ARFGEF2: variants seen among roughly 807,000 people sequenced by gnomAD.
ARFGEF2 encodes brefeldin A-inhibited guanine nucleotide-exchange protein 2.
In ARFGEF2, 74 loss-of-function variants were observed where a neutral mutation model predicts 219.9. The observed-to-expected ratio is 0.34, with a 90% CI of 0.28 to 0.41. The LOEUF is 0.41. Ranked by LOEUF, ARFGEF2 falls within the 10% of genes least tolerant of loss-of-function variation. The pLI is 1.00. For missense variants in ARFGEF2, 1,743 were observed against 2,218.3 expected, an observed-to-expected ratio of 0.79 and a Z score of 4.30; for synonymous variants, 733 against 799.2, an observed-to-expected ratio of 0.92 and a Z score of 1.40.
chr20:48,962,503 T>C (rs2091159905), intron 6 of ARFGEF2, among the ~76,000 whole-genome samples: 1 of 152,152 alleles, frequency 6.6e-6, no homozygotes, highest in African/African-American at 2.4e-5. Flanking sequence ...ATATATAATA[T>C]TATAGTGGTG....
chr20:49,003,894 TTGA>T (rs2091439647), intron 25 of ARFGEF2, among the ~76,000 whole-genome samples: 1 of 152,192 alleles, frequency 6.6e-6, no homozygotes, highest in Non-Finnish European at 1.5e-5. Context: ...GTTTTGGAGA[TTGA>T]TGATATTTAT....
At chr20:49,022,935 T>G in intron 34 of ARFGEF2, 116 bp from the exon 35 acceptor site, 3 of 1,392,358 alleles carry the variant, frequency 2.2e-6, no homozygotes, top group South Asian at 1.2e-5. Flanking sequence ...GAGAACGTAG[T>G]GAGACCCCAT....
intron 20 of ARFGEF2, 73 bp from the exon 21 acceptor site, chr20:48,990,967 C>A: frequency 6.5e-7 from 1 of 1,527,726 alleles, no homozygotes; most frequent in Non-Finnish European, 8.9e-7. Flanking sequence ...GCCCAGTGTG[C>A]CAGCCCTGCA....
intron 1 of ARFGEF2, among the ~76,000 whole-genome samples, chr20:48,931,627 G>T (rs4809735): frequency 0.21 from 31,320 of 151,230 alleles, 3,854 homozygotes; most frequent in East Asian, 0.36. Context: ...GGACATCAGA[G>T]CAGAGATCTG....
In ARFGEF2 at chr20:48,921,950, G is replaced by A; in HGVS notation, c.61G>A (p.Asp21Asn). ...CCGGGCCCTGGAGAAGATCCTAGCC[G>A]ACAAGGAGGTGAAGCGGCCCCAGCA... ...VSRALEKILA[D>N]KEVKRPQHSQ... is the part of the protein sequence containing the mutation. Residue 21 changes from aspartate (D) to asparagine (N), a missense_variant, in exon 1 of 39, where the codon GAC becomes AAC. By Grantham distance (23) the Asp-to-Asn change is conservative. Coordinates refer to ENST00000371917, the MANE Select transcript of ARFGEF2 (RefSeq NM_006420.3). 6.4e-7 allele frequency: 1 copy of A among 1,571,326 alleles called. No homozygotes were observed. Among genetic ancestry groups the A allele is most frequent in the Non-Finnish European group, 8.6e-7 (1 of 1,158,446 alleles).
Position 48,953,772 on chromosome 20 carries a change from A to G in ARFGEF2, c.820A>G (p.Arg274Gly). The G allele has an allele frequency of 1.2e-6, 2 of 1,614,036 alleles. No homozygotes were observed. The highest frequency in any genetic ancestry group is 8.5e-7 in the Non-Finnish European group (1 of 1,179,934). ...AGAAAATGGAGACGCACCCAGAGAA[A>G]GAGGCTCATCACTGTCAGGTACGGG... is the stretch of plus-strand genomic sequence containing the variant. ...STENGDAPRE[R>G]GSSLSGTDDG... The change falls in exon 6 of 39, where the codon AGA (arginine) becomes GGA (glycine). Residue 274 changes from arginine to glycine, a missense_variant. Arg to Gly is a moderately radical substitution (Grantham distance 125). Coordinates refer to ENST00000371917, the MANE Select transcript of ARFGEF2 (RefSeq NM_006420.3).
chr20:48,994,989 T>C (rs1016439456), intron 22 of ARFGEF2, among the ~76,000 whole-genome samples: 6 of 152,214 alleles, frequency 3.9e-5, no homozygotes, highest in Admixed American at 6.5e-5. Flanking sequence ...AGTATTCTTA[T>C]GCAAGTAGAA....
At chr20:49,003,681 G>A (rs962227973) in intron 25 of ARFGEF2, among the ~76,000 whole-genome samples, 1 of 152,154 alleles carries the variant, frequency 6.6e-6, no homozygotes, top group Non-Finnish European at 1.5e-5. Context: ...CTTGGAGCAG[G>A]CCTCTGCAAG....
At chr20:48,995,992 TA>T in intron 23 of ARFGEF2, 110 bp downstream of exon 23, 2 of 994,398 alleles carry the variant, frequency 2.0e-6, no homozygotes, top group Non-Finnish European at 3.2e-6. Flanking sequence ...CAAGTGTTGT[TA>T]GCTACAAATT....
intron 15 of ARFGEF2, 105 bp from the exon 16 acceptor site, chr20:48,985,303 G>A (rs2091320681): frequency 8.3e-7 from 1 of 1,202,692 alleles, no homozygotes; most frequent in Non-Finnish European, 1.2e-6. Context: ...AGCCTATTCT[G>A]GGCAGTTAGG....
At chr20:48,941,256 G>T in intron 2 of ARFGEF2, 27 bp downstream of exon 2, 2 of 1,611,126 alleles carry the variant, frequency 1.2e-6, no homozygotes, top group Middle Eastern at 3.3e-4. Flanking sequence ...CCTCCTTGCT[G>T]AGATACGGCA....
At chr20:48,948,705 T>C (rs1459338350) in intron 3 of ARFGEF2, among the ~76,000 whole-genome samples, 1 of 152,190 alleles carries the variant, frequency 6.6e-6, no homozygotes, top group African/African-American at 2.4e-5. Context: ...TATAAAGGCC[T>C]GTTATAGTGT....
At position 48,952,733 on chromosome 20, in the gene ARFGEF2, A is replaced by T. The variant is rs754607709; in HGVS notation, c.452A>T (p.His151Leu). ...CTTCTGACTGCAGTGACTTCCCCAC[A>T]CATTGAAATTCATGAGGGTACTATC... ...KALLTAVTSP[H>L]IEIHEGTILQ... Residue 151 changes from histidine (H) to leucine (L), a missense_variant, in exon 5 of 39, where the codon CAC becomes CTC. Physicochemically the swap from His to Leu is moderately conservative, Grantham distance 99 (BLOSUM62 -3). This residue lies in a region of ARFGEF2 where 394 missense variants were observed against 426.6 expected (regional missense o/e 0.92). Transcript: ENST00000371917. 5.6e-6 allele frequency: 9 copies of T among 1,614,238 alleles called. No homozygotes were observed.
rs535473262 is a variant in ARFGEF2, at chr20:48,994,668, T to G, written c.3121+70T>G. The G allele has an allele frequency of 1.0e-5, 16 of 1,591,448 alleles. No individual in the cohort carries two copies. The East Asian group carries it at 3.6e-4, about 36-fold the overall frequency. ...TAACGGGGATGAAACCCTTCTTGTC[T>G]CATCAGGACTGTCCTGTAAACCGTC... On this transcript the variant is annotated intron_variant, in intron 22 of 38. Coordinates refer to ENST00000371917, the MANE Select transcript of ARFGEF2 (RefSeq NM_006420.3).
Position 48,989,571 on chromosome 20 carries a change from C to A in ARFGEF2, c.2701C>A (p.Leu901Ile). 1 of 1,614,214 alleles carries A rather than the reference C, an allele frequency of 6.2e-7. No homozygotes were observed. The highest frequency in any genetic ancestry group is 1.1e-5 in the South Asian group (1 of 91,084). ...RPMFKLVWTPLLAAYSIGLQN... is the reference protein window; with the variant it reads ...RPMFKLVWTPILAAYSIGLQN... The stretch of plus-strand genomic sequence containing the variant: ...TCCATGATAGCTGGTGTGGACGCCA[C>A]TATTGGCAGCCTACAGCATCGGACT... The change falls in exon 20 of 39, where the codon CTA becomes ATA. Residue 901 changes from leucine to isoleucine, a missense_variant. By Grantham distance (5) the Leu-to-Ile change is conservative (BLOSUM62 2). Around this residue, in one of 5 missense-constraint regions of ARFGEF2, gnomAD observed 666 missense variants for 955.4 expected, o/e 0.70. Transcript: ENST00000371917.
chr20:48,949,069 G>A (rs1046850452), intron 3 of ARFGEF2, among the ~76,000 whole-genome samples: 2 of 152,230 alleles, frequency 1.3e-5, no homozygotes, highest in Non-Finnish European at 2.9e-5. Flanking sequence ...GAACCAGAAA[G>A]ATCCACAGGA....
chr20:49,004,414 A>G (rs1199411711), intron 25 of ARFGEF2, among the ~76,000 whole-genome samples: 3 of 152,076 alleles, frequency 2.0e-5, no homozygotes, highest in African/African-American at 7.2e-5. Flanking sequence ...TTCACTTAAA[A>G]TGGTTAAGAT....
chr20:48,976,402 C>T (rs890312112), intron 14 of ARFGEF2, among the ~76,000 whole-genome samples: 3 of 152,116 alleles, frequency 2.0e-5, no homozygotes, highest in Non-Finnish European at 2.9e-5. Flanking sequence ...ACTTTAATAC[C>T]TTTGTGTGGT....
At chr20:48,927,757 A>T (rs1037102384) in intron 1 of ARFGEF2, among the ~76,000 whole-genome samples, 3 of 152,178 alleles carry the variant, frequency 2.0e-5, no homozygotes, top group African/African-American at 7.2e-5. Context: ...ATGCAGAATA[A>T]AGCCTTTAAT....
Sources: allele counts gnomAD v4.1 joint callset (sites outside exome capture counted in the v4.1 genomes callset), GRCh38; gene constraint gnomAD v4.1.1; regional missense constraint gnomAD v4.1.1; transcripts MANE v1.5; gene names NCBI Gene and HGNC (gene_info 2026-07-23, HGNC 2026-07-21).